MDM4: variants seen among roughly 807,000 people sequenced by gnomAD.
MDM4 encodes MDM4 regulator of p53, also known as protein Mdm4.
A neutral mutation model predicts 60.2 loss-of-function variants in MDM4; 2 were observed. The observed-to-expected ratio is 0.03, with a 90% CI of 0.01 to 0.10. The LOEUF is 0.10. Among genes scored for constraint, MDM4 ranks in the 10% least tolerant of loss-of-function variants. The pLI is 1.00. For missense variants in MDM4, 447 were observed against 577.5 expected, an observed-to-expected ratio of 0.77 and a Z score of 2.32; for synonymous variants, 202 against 198.1, an observed-to-expected ratio of 1.02 and a Z score of -0.17.
intron 7 of MDM4, 120 bp from the exon 8 acceptor site, chr1:204,542,664 C>T: frequency 8.1e-6 from 6 of 744,424 alleles, no homozygotes; most frequent in Non-Finnish European, 8.2e-6. Context: ...CTGGTTCTTT[C>T]TTTCTTAGAA....
intron 3 of MDM4, among the ~76,000 whole-genome samples, chr1:204,529,894 A>G (rs1187239364): frequency 2.6e-5 from 4 of 152,142 alleles, no homozygotes; most frequent in Non-Finnish European, 5.9e-5. Context: ...TTATTTATTT[A>G]GAGCCAGGGT....
chr1:204,516,752 G>GT (rs1211817983), intron 1 of MDM4, among the ~76,000 whole-genome samples: 1 of 152,184 alleles, frequency 6.6e-6, no homozygotes, highest in Non-Finnish European at 1.5e-5. Flanking sequence ...TGGCCAACAG[G>GT]TGACAAACCT....
intron 3 of MDM4, among the ~76,000 whole-genome samples, chr1:204,529,957 A>G (rs1331270236): frequency 6.6e-6 from 1 of 151,988 alleles, no homozygotes; most frequent in Non-Finnish European, 1.5e-5. Flanking sequence ...GCTCACTGCA[A>G]CCTCCGCTTC....
rs1663206409 is a variant in MDM4, at chr1:204,551,512, T to C, written c.*1830T>C. The stretch of plus-strand genomic sequence containing the variant: ...TTTTGGAGGATAGGGAGTATGGCTG[T>C]TGTGAAAAGGGAGGTAAAGAGAAAT... On this transcript the variant is annotated 3_prime_UTR_variant, in exon 11 of 11. Coordinates refer to ENST00000367182, the MANE Select transcript of MDM4 (RefSeq NM_002393.5). 6.2e-6 allele frequency: 1 copy of C among 162,052 alleles called. No individual in the cohort carries two copies. The highest frequency in any genetic ancestry group is 2.9e-5 in the African/African-American group (1 of 34,568). The allele number at this position is 162,052 out of a possible 1,614,324, so 10.0% of individuals were successfully genotyped here. A position where few individuals can be genotyped will look rare whatever the true frequency, so the allele number is the denominator to read the frequency against.
intron 1 of MDM4, among the ~76,000 whole-genome samples, chr1:204,519,490 A>G (rs1659333569): frequency 6.6e-6 from 1 of 152,144 alleles, no homozygotes; most frequent in Non-Finnish European, 1.5e-5. Flanking sequence ...CTGGGCAACA[A>G]GAGCGAAACT....
At chr1:204,526,101 C>G (rs745705406) in intron 2 of MDM4, among the ~76,000 whole-genome samples, 2 of 152,044 alleles carry the variant, frequency 1.3e-5, no homozygotes, top group East Asian at 3.9e-4. Context: ...CAAAAAAATA[C>G]AAAAATTACC....
rs766652843 is a variant in MDM4 at position 204,549,193 on chromosome 1, G to A, written c.984G>A (p.Lys328=). 2.2e-5 allele frequency: 35 copies of A among 1,613,792 alleles called. No homozygotes were observed. The highest frequency in any genetic ancestry group is 2.7e-5 in the Non-Finnish European group (32 of 1,179,814). The change falls in exon 11 of 11, where the codon AAG becomes AAA. Residue 328 remains lysine (K), a synonymous_variant. Transcript: ENST00000367182. The stretch of plus-strand genomic sequence containing the variant: ...GTTTTCGTTGTTGGGCCTTGAGGAA[G>A]GATTGGTATTCAGATTGTTCAAAGT... The part of the protein sequence containing the change: ...RYCFRCWALR[K]DWYSDCSKLT...
At chr1:204,528,559 C>T (rs944279808) in intron 3 of MDM4, among the ~76,000 whole-genome samples, 1 of 152,182 alleles carries the variant, frequency 6.6e-6, no homozygotes, top group Non-Finnish European at 1.5e-5. Flanking sequence ...GAATCTCCTG[C>T]GTCTGGTGCC....
chr1:204,541,244 A>G (rs1247484801), intron 7 of MDM4, among the ~76,000 whole-genome samples: 2 of 152,190 alleles, frequency 1.3e-5, no homozygotes, highest in African/African-American at 2.4e-5. Flanking sequence ...GCATTACTTG[A>G]GCTCAAGAGT....
chr1:204,519,514 T>C (rs993968728), intron 1 of MDM4, among the ~76,000 whole-genome samples: 1 of 151,934 alleles, frequency 6.6e-6, no homozygotes, highest in African/African-American at 2.4e-5. Flanking sequence ...TCTCAAAAAA[T>C]ATATGTATAT....
intron 5 of MDM4, 74 bp from the exon 6 acceptor site, chr1:204,537,356 G>A (rs1425566399): frequency 9.4e-6 from 11 of 1,169,830 alleles, no homozygotes; most frequent in Non-Finnish European, 1.4e-5. Flanking sequence ...CGGGTTGTTT[G>A]CTGAGGTCCT....
chr1:204,533,487 G>C (rs1661069666), intron 5 of MDM4, among the ~76,000 whole-genome samples: 1 of 152,168 alleles, frequency 6.6e-6, no homozygotes, highest in South Asian at 2.1e-4. Context: ...CTCCCGAGTA[G>C]CTGGGATTAT....
rs1287792236 is a variant in MDM4, at chr1:204,549,335, G to A, written c.1126G>A (p.Ala376Thr). 2.5e-6 allele frequency: 4 copies of A among 1,614,056 alleles called. No individual in the cohort carries two copies. Among genetic ancestry groups the A allele is most frequent in the East Asian group, 2.2e-5 (1 of 44,904 alleles). ...GGCTCCTGTCGTTAGACCTAAAGAT[G>A]CGTATATAAAGAAAGAAAACTCCAA... ...ISAPVVRPKDAYIKKENSKLF... is the reference protein window; with the variant it reads ...ISAPVVRPKDTYIKKENSKLF... The change falls in exon 11 of 11, where the codon GCG becomes ACG. Residue 376 changes from alanine to threonine, a missense_variant. By Grantham distance (58) the Ala-to-Thr change is moderately conservative. Transcript: ENST00000367182.
At chr1:204,537,811 G>A in intron 6 of MDM4, 1 of 629,826 alleles carries the variant, frequency 1.6e-6, no homozygotes, top group Admixed American at 2.4e-5. Flanking sequence ...TAGGCGTGTT[G>A]CAGTTAAGTT....
chr1:204,532,617 C>T, intron 5 of MDM4: 5 of 652,260 alleles, frequency 7.7e-6, no homozygotes, highest in Non-Finnish European at 1.3e-5. Flanking sequence ...TGTATCATTT[C>T]CCCCAGTTAT....
chr1:204,546,153 T>G (rs1294239212), intron 9 of MDM4, among the ~76,000 whole-genome samples: 1 of 152,182 alleles, frequency 6.6e-6, no homozygotes, highest in Non-Finnish European at 1.5e-5. Context: ...GATAAAAAAT[T>G]GCACGTTTAA....
At chr1:204,517,991 T>G (rs1296789877) in intron 1 of MDM4, among the ~76,000 whole-genome samples, 1 of 151,810 alleles carries the variant, frequency 6.6e-6, no homozygotes, top group African/African-American at 2.4e-5. Context: ...CTGAGCCCCA[T>G]CTCTGCAAAA....
intron 3 of MDM4, 105 bp from the exon 4 acceptor site, chr1:204,530,579 T>C (rs558157277): frequency 2.2e-5 from 31 of 1,441,614 alleles, no homozygotes; most frequent in South Asian, 6.2e-5. Flanking sequence ...CTTGTAAATA[T>C]GTTATTTCTT....
Position 204,549,832 on chromosome 1 carries a change from C to A in MDM4, c.*150C>A. ...GCTGTAAGAAAAATACTGGAGCTAACAATGAAGAACAGAAGTAATCTGATT... is the reference window on the plus strand; with the variant it reads ...GCTGTAAGAAAAATACTGGAGCTAAAAATGAAGAACAGAAGTAATCTGATT... On this transcript the variant is annotated 3_prime_UTR_variant, in exon 11 of 11. Coordinates refer to ENST00000367182, the MANE Select transcript of MDM4 (RefSeq NM_002393.5). 1 of 553,288 alleles carries A rather than the reference C, an allele frequency of 1.8e-6. No individual in the cohort carries two copies. The allele number at this position is 553,288 out of a possible 1,614,324, so 34.3% of individuals were successfully genotyped here. A position where few individuals can be genotyped will look rare whatever the true frequency, so the allele number is the denominator to read the frequency against.
Sources: allele counts gnomAD v4.1 joint callset (sites outside exome capture counted in the v4.1 genomes callset), GRCh38; gene constraint gnomAD v4.1.1; transcripts MANE v1.5; gene names NCBI Gene and HGNC (gene_info 2026-07-23, HGNC 2026-07-21).